CACNA1C: variants seen among roughly 807,000 people sequenced by gnomAD.
CACNA1C encodes the protein voltage-dependent L-type calcium channel subunit alpha-1C.
CACNA1C carries 30 observed loss-of-function variants against 229.0 expected under a neutral mutation model. The ratio of observed to expected loss-of-function variants is 0.13; its 90% CI spans 0.10 to 0.18. The LOEUF is 0.18. Ranked by LOEUF, CACNA1C falls within the 10% of genes least tolerant of loss-of-function variation. The probability of loss-of-function intolerance (pLI) is 1.00; values close to 1 mark genes in which losing one functional copy is unlikely to be tolerated. For missense variants in CACNA1C, 1,658 were observed against 2,845.0 expected (o/e 0.58, Z 9.49); for synonymous variants, 1,114 against 1,132.5 (o/e 0.98, Z 0.33).
At position 1,991,520 on chromosome 12, in the gene CACNA1C, T is replaced by C. The variant is rs2039410728; in HGVS notation, c.139+20319T>C. 2.5e-5 allele frequency: 6 copies of C among 240,266 alleles called. No individual in the cohort carries two copies. In the South Asian group the frequency reaches 3.0e-4, roughly 12 times the overall value. The allele number at this position is 240,266 out of a possible 1,614,324, so 14.9% of individuals were successfully genotyped here. On this transcript the variant is annotated intron_variant, in intron 1 of 46. Coordinates refer to the CACNA1C transcript ENST00000682462. Reference sequence around the variant, plus strand: ...AAATATTGTCATTTCAACATGTTAATATAAAATAATTAATAATTGAGGTTT... The same window carrying C: ...AAATATTGTCATTTCAACATGTTAACATAAAATAATTAATAATTGAGGTTT...
chr12:2,429,248 G>T (rs1439801893), intron 3 of CACNA1C, among the ~76,000 whole-genome samples: 5 of 151,998 alleles, frequency 3.3e-5, no homozygotes, highest in Non-Finnish European at 7.4e-5. Flanking sequence ...AATTAAATTG[G>T]CAGTGACCCT....
At chr12:2,312,326 G>A (rs915220642) in intron 3 of CACNA1C, among the ~76,000 whole-genome samples, 1 of 152,136 alleles carries the variant, frequency 6.6e-6, no homozygotes, top group Admixed American at 6.5e-5. Flanking sequence ...CGTGGCAGTG[G>A]GGCAGGCGTG....
chr12:2,162,530 A>G (rs1254525117), intron 3 of CACNA1C, among the ~76,000 whole-genome samples: 1 of 152,118 alleles, frequency 6.6e-6, no homozygotes, highest in Admixed American at 6.6e-5. Flanking sequence ...TTTGAGGCAC[A>G]GTAAGCCTGC....
intron 3 of CACNA1C, among the ~76,000 whole-genome samples, chr12:2,433,588 A>G (rs1420836887): frequency 1.3e-5 from 2 of 152,224 alleles, no homozygotes; most frequent in Non-Finnish European, 2.9e-5. Flanking sequence ...ACCTCATGGC[A>G]TCAAGTGCTG....
In CACNA1C at chr12:2,579,043, C is replaced by G. The variant is rs561495068; in HGVS notation, c.1896-2547C>G. Among the ~76,000 whole-genome samples the G allele has an allele frequency of 5.3e-5, 8 of 152,276 alleles. 1 individual carries two copies. In the South Asian group the frequency reaches 1.7e-3, roughly 32 times the overall value. On this transcript the variant is annotated intron_variant, in intron 13 of 46. Transcript: ENST00000399655. ...GGCTCCCAGGTCAGGAGGGCCCCCC[C>G]ACCTCACCATCCCTCTCTGCTCCTC... is the stretch of plus-strand genomic sequence containing the variant.
chr12:2,498,485 T>C (rs2099751732), intron 7 of CACNA1C, among the ~76,000 whole-genome samples: 1 of 152,260 alleles, frequency 6.6e-6, no homozygotes, highest in African/African-American at 2.4e-5. Flanking sequence ...TTTATTTTGC[T>C]GGTATTAGAT....
chr12:2,683,622 T>C (rs917265366), intron 43 of CACNA1C, among the ~76,000 whole-genome samples: 1 of 152,230 alleles, frequency 6.6e-6, no homozygotes, highest in Non-Finnish European at 1.5e-5. Flanking sequence ...GTGCAGCCAC[T>C]TGAAAATGGG....
intron 5 of CACNA1C, among the ~76,000 whole-genome samples, chr12:2,484,554 C>T (rs1431749116): frequency 1.3e-5 from 2 of 152,124 alleles, no homozygotes; most frequent in African/African-American, 4.8e-5. Context: ...AGGGGAGCCT[C>T]CCGATGGGTG....
intron 3 of CACNA1C, among the ~76,000 whole-genome samples, chr12:2,339,491 T>C (rs1013422739): frequency 1.3e-5 from 2 of 152,252 alleles, no homozygotes; most frequent in African/African-American, 4.8e-5. Context: ...ATAACTTTTT[T>C]GCTTTATAAA....
At chr12:2,448,918 T>G (rs2099327183) in intron 3 of CACNA1C, 58 bp from the exon 4 acceptor site, 4 of 1,477,780 alleles carry the variant, frequency 2.7e-6, no homozygotes, top group Non-Finnish European at 3.7e-6. Flanking sequence ...GGTTCCAAAC[T>G]TTCCAAATCC....
chr12:2,075,969 G>A (rs1377097515), intron 1 of CACNA1C, among the ~76,000 whole-genome samples: 1 of 152,196 alleles, frequency 6.6e-6, no homozygotes, highest in Non-Finnish European at 1.5e-5. Context: ...TAAAAGTCAG[G>A]GAGGTGGGTC....
intron 1 of CACNA1C, among the ~76,000 whole-genome samples, chr12:2,005,098 A>C (rs1352345517): frequency 6.6e-6 from 1 of 151,950 alleles, no homozygotes; most frequent in African/African-American, 2.4e-5. Flanking sequence ...ACCAAACTGT[A>C]TTGCTAGTCA....
chr12:2,457,786 C>A, intron 5 of CACNA1C, 80 bp downstream of exon 5: 1 of 1,242,274 alleles, frequency 8.0e-7, no homozygotes, highest in Non-Finnish European at 1.1e-6. Context: ...CAAGAACACT[C>A]TGCAAAGGGA....
chr12:2,006,870 A>C (rs1052745815), intron 1 of CACNA1C, among the ~76,000 whole-genome samples: 1 of 152,200 alleles, frequency 6.6e-6, no homozygotes, highest in African/African-American at 2.4e-5. Context: ...GTATACAGAC[A>C]TTTTTTAAAA....
At chr12:2,231,632 A>C (rs34382810) in intron 3 of CACNA1C, among the ~76,000 whole-genome samples, 78,850 of 151,908 alleles carry the variant, frequency 0.52, 22,176 homozygotes, top group African/African-American at 0.75. Context: ...CAGAACCATC[A>C]TCTCCTGGTC....
intron 30 of CACNA1C, chr12:2,641,628 A>G: frequency 3.0e-6 from 2 of 670,690 alleles, no homozygotes; most frequent in Non-Finnish European, 5.5e-6. Flanking sequence ...CCTTGTTTCA[A>G]AATGAAGTGA....
intron 10 of CACNA1C, among the ~76,000 whole-genome samples, chr12:2,553,790 G>A (rs1015900465): frequency 6.6e-5 from 10 of 152,224 alleles, no homozygotes; most frequent in Non-Finnish European, 1.5e-4. Flanking sequence ...GAGGACAAAT[G>A]TTGGGTCCTC....
At chr12:2,176,925 A>C (rs1280567476) in intron 3 of CACNA1C, among the ~76,000 whole-genome samples, 2 of 152,304 alleles carry the variant, frequency 1.3e-5, no homozygotes, top group East Asian at 3.9e-4. Flanking sequence ...TTCAGGGGGA[A>C]CTTCTCATGA....
intron 3 of CACNA1C, among the ~76,000 whole-genome samples, chr12:2,281,966 A>G (rs1020171832): frequency 2.6e-5 from 4 of 151,682 alleles, no homozygotes; most frequent in Middle Eastern, 3.2e-3. Flanking sequence ...ATTTTATTTA[A>G]TTCTTTTTTT....
Sources: allele counts gnomAD v4.1 joint callset (sites outside exome capture counted in the v4.1 genomes callset), GRCh38; gene constraint gnomAD v4.1.1; transcripts MANE v1.5; gene names NCBI Gene and HGNC (gene_info 2026-07-23, HGNC 2026-07-21).